PAIP2B: variants seen among roughly 807,000 people sequenced by gnomAD.
PAIP2B encodes the protein poly(A) binding protein interacting protein 2B, also known as polyadenylate-binding protein-interacting protein 2B.
Under a neutral mutation model 17.0 loss-of-function variants are expected in PAIP2B, and 13 were observed. The ratio of observed to expected loss-of-function variants is 0.76; its 90% CI spans 0.50 to 1.22. The LOEUF (loss-of-function observed/expected upper bound fraction) is 1.22. Ranked by LOEUF, PAIP2B falls within the 50% of genes most tolerant of loss-of-function variation. The pLI, the probability that PAIP2B is intolerant of heterozygous loss-of-function variation, is 0.00. For synonymous variants in PAIP2B, 43 were observed against 48.7 expected, an observed-to-expected ratio of 0.88 and a Z score of 0.48; for missense variants, 117 against 144.5, an observed-to-expected ratio of 0.81 and a Z score of 0.98.
chr2:71,193,143 G>A (rs1558772582), intron 2 of PAIP2B, among the ~76,000 whole-genome samples: 1 of 152,002 alleles, frequency 6.6e-6, no homozygotes, highest in East Asian at 1.9e-4. Flanking sequence ...TCTGACTGGT[G>A]TGAAATTGTA....
At chr2:71,188,924 G>A (rs17006730) in intron 3 of PAIP2B, among the ~76,000 whole-genome samples, 19,288 of 151,234 alleles carry the variant, frequency 0.13, 1,380 homozygotes, top group South Asian at 0.3. Context: ...CTACTCTCTT[G>A]TGAATATCCA....
intron 2 of PAIP2B, among the ~76,000 whole-genome samples, chr2:71,198,722 G>A (rs1361545228): frequency 6.6e-6 from 1 of 152,176 alleles, no homozygotes. Context: ...TGCCTGGCCT[G>A]TCTTATTTTA....
rs1484984931 is a variant in PAIP2B, at chr2:71,213,292, C to A, written c.-11-10692G>T. ...ACATATTTCTGGAAATAAAGGTTTG[C>A]CACAACAAAGTGGGGAGAGGGGAGC... On this transcript the variant is annotated intron_variant, in intron 1 of 3. Transcript: ENST00000244221. 2.0e-5 allele frequency among the ~76,000 whole-genome samples: 3 copies of A among 152,028 alleles called. No homozygotes were observed. The South Asian group carries it at 6.2e-4, about 32-fold the overall frequency.
intron 2 of PAIP2B, among the ~76,000 whole-genome samples, chr2:71,198,378 T>C (rs12999654): frequency 0.064 from 9,648 of 150,502 alleles, 318 homozygotes; most frequent in African/African-American, 0.088. Flanking sequence ...CTCCGCCTCC[T>C]GGGTTCACAC....
At chr2:71,190,395 G>A (rs1674658749) in intron 2 of PAIP2B, among the ~76,000 whole-genome samples, 1 of 152,162 alleles carries the variant, frequency 6.6e-6, no homozygotes, top group South Asian at 2.1e-4. Context: ...CTGCACTTCA[G>A]TCTGGGCGAC....
chr2:71,215,661 C>A (rs1303801523), intron 1 of PAIP2B, among the ~76,000 whole-genome samples: 1 of 152,202 alleles, frequency 6.6e-6, no homozygotes, highest in African/African-American at 2.4e-5. Context: ...TTAGAGTTGA[C>A]AAGCAAGAAA....
chr2:71,201,902 GATA>G (rs1674994174), intron 2 of PAIP2B, among the ~76,000 whole-genome samples: 1 of 152,182 alleles, frequency 6.6e-6, no homozygotes, highest in Admixed American at 6.5e-5. Flanking sequence ...ATCAGGGCAG[GATA>G]AAGGACCTCA....
chr2:71,195,636 TATTTC>T (rs1210691880), intron 2 of PAIP2B, among the ~76,000 whole-genome samples: 1 of 152,148 alleles, frequency 6.6e-6, no homozygotes. Context: ...GCTACTAGCC[TATTTC>T]ATTAGTTTTT....
intron 1 of PAIP2B, among the ~76,000 whole-genome samples, chr2:71,211,168 A>G (rs1675287202): frequency 6.6e-6 from 1 of 151,984 alleles, no homozygotes; most frequent in Non-Finnish European, 1.5e-5. Context: ...GCGAGGCAGG[A>G]TAATCGCTTG....
intron 1 of PAIP2B, among the ~76,000 whole-genome samples, chr2:71,223,433 AAC>A (rs1675641762): frequency 6.6e-6 from 1 of 151,070 alleles, no homozygotes; most frequent in Non-Finnish European, 1.5e-5. Context: ...AACAAACAAA[AAC>A]ACAGACTTTT....
intron 1 of PAIP2B, among the ~76,000 whole-genome samples, chr2:71,211,310 T>C (rs1463430496): frequency 6.6e-6 from 1 of 152,106 alleles, no homozygotes; most frequent in Non-Finnish European, 1.5e-5. Flanking sequence ...CTATTCTAAT[T>C]GAGCGGTTTT....
In PAIP2B at chr2:71,190,171, G is replaced by A. The variant is rs1674650891; in HGVS notation, c.139-150C>T. On this transcript the variant is annotated intron_variant, in intron 2 of 3. Coordinates refer to ENST00000244221, the MANE Select transcript of PAIP2B (RefSeq NM_020459.1). ...GTGGTGGCTCACAACTGTAATCCCAGCAGTTTGGGAGACTGAGGCAGGAGG... is the reference window on the plus strand; with the variant it reads ...GTGGTGGCTCACAACTGTAATCCCAACAGTTTGGGAGACTGAGGCAGGAGG... The A allele has an allele frequency of 3.4e-5, 28 of 824,294 alleles. No homozygotes were observed. In the South Asian group the frequency reaches 5.3e-4, roughly 16 times the overall value. The allele number at this position is 824,294 out of a possible 1,614,324, so 51.1% of individuals were successfully genotyped here. A position where few individuals can be genotyped will look rare whatever the true frequency, so the allele number is the denominator to read the frequency against.
chr2:71,208,832 A>G (rs1675214281), intron 1 of PAIP2B, among the ~76,000 whole-genome samples: 1 of 152,174 alleles, frequency 6.6e-6, no homozygotes, highest in Admixed American at 6.5e-5. Flanking sequence ...TGTGGCCACA[A>G]ATCAAGGAAT....
intron 1 of PAIP2B, among the ~76,000 whole-genome samples, chr2:71,211,489 C>T (rs10490413): frequency 0.23 from 35,562 of 151,498 alleles, 4,959 homozygotes; most frequent in African/African-American, 0.38. Context: ...AACAATTCCT[C>T]GAATATAGTG....
chr2:71,211,173 C>T (rs986321089), intron 1 of PAIP2B, among the ~76,000 whole-genome samples: 2 of 151,918 alleles, frequency 1.3e-5, no homozygotes, highest in East Asian at 3.9e-4. Flanking sequence ...GCAGGATAAT[C>T]GCTTGAACCC....
chr2:71,220,723 T>G lies in PAIP2B; in HGVS notation c.-12+6205A>C, dbSNP rs556458206. Reference sequence around the variant, plus strand: ...GTTGACCAGGCTGGTCTTGAACTCCTGGATTCTCCCACCTCTGCCTCCCAA... The same window carrying G: ...GTTGACCAGGCTGGTCTTGAACTCCGGGATTCTCCCACCTCTGCCTCCCAA... On this transcript the variant is annotated intron_variant, in intron 1 of 3. Transcript: ENST00000244221. 5.9e-5 allele frequency among the ~76,000 whole-genome samples: 9 copies of G among 152,330 alleles called. No individual in the cohort carries two copies. The South Asian group carries it at 1.9e-3, about 32-fold the overall frequency.
At position 71,186,618 on chromosome 2, in the gene PAIP2B, T is replaced by G. The variant is rs1226516418; in HGVS notation, c.*1861A>C. On this transcript the variant is annotated 3_prime_UTR_variant, in exon 4 of 4. Coordinates refer to ENST00000244221, the MANE Select transcript of PAIP2B (RefSeq NM_020459.1). Reference sequence around the variant, plus strand: ...AAGGGAGAGATTTCCTCTATGCACTTGCAATGCCCTTTCCCTTTTAGAGGA... The same window carrying G: ...AAGGGAGAGATTTCCTCTATGCACTGGCAATGCCCTTTCCCTTTTAGAGGA... 2.0e-5 allele frequency: 3 copies of G among 152,246 alleles called. No homozygotes were observed. The East Asian group carries it at 5.8e-4, about 29-fold the overall frequency. 9.4% of individuals were successfully genotyped at this position (152,246 alleles called of 1,614,324 possible).
chr2:71,202,316 G>T, intron 2 of PAIP2B, 136 bp downstream of exon 2: 1 of 1,083,108 alleles, frequency 9.2e-7, no homozygotes, highest in Non-Finnish European at 1.3e-6. Flanking sequence ...TCCAGATGAG[G>T]CCCCCCACCA....
At chr2:71,212,421 T>C (rs1675324319) in intron 1 of PAIP2B, among the ~76,000 whole-genome samples, 1 of 152,186 alleles carries the variant, frequency 6.6e-6, no homozygotes, top group Admixed American at 6.5e-5. Context: ...AGGTCCTTAA[T>C]AAATAATCTG....
Sources: allele counts gnomAD v4.1 joint callset (sites outside exome capture counted in the v4.1 genomes callset), GRCh38; gene constraint gnomAD v4.1.1; transcripts MANE v1.5; gene names NCBI Gene and HGNC (gene_info 2026-07-23, HGNC 2026-07-21).